TXNRD1: variants seen among roughly 807,000 people sequenced by gnomAD.
TXNRD1 encodes thioredoxin reductase 1, cytoplasmic.
A neutral mutation model predicts 80.3 loss-of-function variants in TXNRD1; 57 were observed. The observed-to-expected ratio is 0.71, with a 90% CI of 0.57 to 0.89. The LOEUF is 0.89. TXNRD1 is among the 40% of genes least tolerant of loss of function. The pLI is 0.00. For missense variants in TXNRD1, 730 were observed against 803.0 expected, an observed-to-expected ratio of 0.91 and a Z score of 1.10; for synonymous variants, 291 against 285.2, an observed-to-expected ratio of 1.02 and a Z score of -0.20.
chr12:104,246,527 T>C (rs1242404542), intron 1 of TXNRD1, among the ~76,000 whole-genome samples: 2 of 1,746 alleles, frequency 1.1e-3, no homozygotes, highest in East Asian at 0.023. Flanking sequence ...TTTGTGATGG[T>C]TTTTTTTTTT....
intron 4 of TXNRD1, among the ~76,000 whole-genome samples, chr12:104,300,634 G>T (rs935329165): frequency 1.3e-5 from 2 of 152,116 alleles, no homozygotes; most frequent in Admixed American, 1.3e-4. Context: ...ACTTGAGATT[G>T]TTTTACTTTG....
chr12:104,248,232 T>A (rs911446130), intron 1 of TXNRD1, among the ~76,000 whole-genome samples: 16 of 138,510 alleles, frequency 1.2e-4, no homozygotes, highest in African/African-American at 5.4e-4. Context: ...CATATATGTG[T>A]GTGAACATAT....
chr12:104,311,937 C>T (rs1284581238), intron 5 of TXNRD1, among the ~76,000 whole-genome samples: 1 of 151,944 alleles, frequency 6.6e-6, no homozygotes, highest in African/African-American at 2.4e-5. Context: ...GCTGAGATCG[C>T]ACCATTGCAC....
chr12:104,257,717 TA>T (rs1208965975), intron 2 of TXNRD1, among the ~76,000 whole-genome samples: 1 of 152,120 alleles, frequency 6.6e-6, no homozygotes, highest in Non-Finnish European at 1.5e-5. Flanking sequence ...CCTGCTTTTT[TA>T]AACATAGTAT....
rs760022093 is a variant in TXNRD1 at position 104,254,630 on chromosome 12, G to GAAA, written c.243+2965_243+2967dup. Among the ~76,000 whole-genome samples the GAAA allele has an allele frequency of 9.3e-3, 160 of 17,278 alleles. 3 individuals carry two copies. The highest frequency in any genetic ancestry group is 0.03 in the African/African-American group (126 of 4,184). 11.3% of individuals were successfully genotyped at this position (17,278 alleles called of 152,430 possible). A position where few individuals can be genotyped will look rare whatever the true frequency, so the allele number is the denominator to read the frequency against. Reference sequence around the variant, plus strand: ...AGCATAACAAGACTCTATGTCTATGGAAAAAAAAAAAAAAATATATATATA... The same window carrying GAAA: ...AGCATAACAAGACTCTATGTCTATGGAAAAAAAAAAAAAAAAAATATATATATA... On this transcript the variant is annotated intron_variant, in intron 2 of 16. Transcript: ENST00000525566.
Position 104,305,215 on chromosome 12 carries a change from A to G in TXNRD1, c.415-6075A>G, listed in dbSNP as rs75300553. ...AGTTTTGGATACCAAATTAAGGGATATTTGATAATTTGCAAAACATAATAA... is the reference window on the plus strand; with the variant it reads ...AGTTTTGGATACCAAATTAAGGGATGTTTGATAATTTGCAAAACATAATAA... On this transcript the variant is annotated intron_variant, in intron 4 of 16. Coordinates refer to ENST00000525566, the MANE Select transcript of TXNRD1 (RefSeq NM_001093771.3). 8.5e-3 allele frequency: 2,196 copies of G among 259,028 alleles called. 13 individuals are homozygous for G. Among genetic ancestry groups the G allele is most frequent in the Non-Finnish European group, 0.013 (1,672 of 131,036 alleles). 16.0% of individuals were successfully genotyped at this position (259,028 alleles called of 1,614,324 possible). A position where few individuals can be genotyped will look rare whatever the true frequency, so the allele number is the denominator to read the frequency against.
chr12:104,227,582 A>G (rs1308462428), intron 1 of TXNRD1, among the ~76,000 whole-genome samples: 1 of 152,034 alleles, frequency 6.6e-6, no homozygotes, highest in African/African-American at 2.4e-5. Context: ...TGTTCATTTT[A>G]TGAATTTTAA....
chr12:104,310,796 C>T lies in TXNRD1; in HGVS notation c.415-494C>T, dbSNP rs1279732398. On this transcript the variant is annotated intron_variant, in intron 4 of 16. Transcript: ENST00000525566. ...TATCCTACAAAAGCAGCAACTTTCA[C>T]GTTTAACTTTTCATGCAGGTCAGTA... is the stretch of plus-strand genomic sequence containing the variant. Among the ~76,000 whole-genome samples, 8 of 152,276 alleles carry T rather than the reference C, an allele frequency of 5.3e-5. No individual in the cohort carries two copies. In the South Asian group the frequency reaches 6.2e-4, roughly 12 times the overall value.
At chr12:104,226,981 T>C (rs559691189) in intron 1 of TXNRD1, among the ~76,000 whole-genome samples, 1 of 152,308 alleles carries the variant, frequency 6.6e-6, no homozygotes, top group African/African-American at 2.4e-5. Flanking sequence ...AATAACTTGC[T>C]TTAAAGTAAT....
At chr12:104,310,571 T>C (rs1442111825) in intron 4 of TXNRD1, among the ~76,000 whole-genome samples, 1 of 152,236 alleles carries the variant, frequency 6.6e-6, no homozygotes, top group African/African-American at 2.4e-5. Context: ...AAATATTGTA[T>C]GAAACGAATA....
chr12:104,254,467 C>T (rs138062021), intron 2 of TXNRD1, among the ~76,000 whole-genome samples: 128 of 151,210 alleles, frequency 8.5e-4, no homozygotes, highest in African/African-American at 2.9e-3. Context: ...GCCAGGCATT[C>T]GGTCACTCTA....
At chr12:104,265,695 G>A (rs532874950) in intron 3 of TXNRD1, 87 of 1,603,808 alleles carry the variant, frequency 5.4e-5, no homozygotes, top group Non-Finnish European at 7.2e-5. Flanking sequence ...TCATGAAGGT[G>A]GAGGAGATCG....
chr12:104,294,274 CG>C (rs2034357469), intron 4 of TXNRD1, among the ~76,000 whole-genome samples: 1 of 145,316 alleles, frequency 6.9e-6, no homozygotes, highest in Non-Finnish European at 1.5e-5. Flanking sequence ...TGCTAAGTAG[CG>C]GGTGTTGTTT....
intron 9 of TXNRD1, among the ~76,000 whole-genome samples, chr12:104,320,792 A>G (rs2135830201): frequency 6.6e-6 from 1 of 152,328 alleles, no homozygotes; most frequent in Non-Finnish European, 1.5e-5. Context: ...AATTTGTTCC[A>G]AACAGTTCAA....
intron 1 of TXNRD1, among the ~76,000 whole-genome samples, chr12:104,243,348 C>T (rs1455540705): frequency 5.3e-5 from 8 of 152,114 alleles, no homozygotes; most frequent in Non-Finnish European, 1.0e-4. Context: ...TTCAGAAACA[C>T]ATATAACTAC....
intron 12 of TXNRD1, among the ~76,000 whole-genome samples, chr12:104,327,286 A>G (rs1197934961): frequency 3.3e-5 from 5 of 152,096 alleles, no homozygotes; most frequent in African/African-American, 1.2e-4. Flanking sequence ...TTCCATTCTC[A>G]GATTTCTTAG....
chr12:104,306,011 C>T (rs761698993), intron 4 of TXNRD1, among the ~76,000 whole-genome samples: 17 of 152,104 alleles, frequency 1.1e-4, no homozygotes, highest in Admixed American at 5.2e-4. Context: ...TCAGGCGATT[C>T]TTGTGCCTCA....
chr12:104,323,386 C>T (rs1317266016), intron 10 of TXNRD1, among the ~76,000 whole-genome samples: 83 of 149,408 alleles, frequency 5.6e-4, no homozygotes, highest in African/African-American at 1.9e-3. Context: ...GCGGCCGGGG[C>T]GGCTGGCCGG....
chr12:104,260,900 G>C (rs1444632490), intron 3 of TXNRD1, among the ~76,000 whole-genome samples: 7 of 152,230 alleles, frequency 4.6e-5, no homozygotes, highest in Admixed American at 6.5e-5. Flanking sequence ...CATCGGAAGA[G>C]ATGGGCAGGA....
Sources: allele counts gnomAD v4.1 joint callset (sites outside exome capture counted in the v4.1 genomes callset), GRCh38; gene constraint gnomAD v4.1.1; transcripts MANE v1.5; gene names NCBI Gene and HGNC (gene_info 2026-07-23, HGNC 2026-07-21).